The following ZFHX3 variants were observed in gnomAD, a reference collection of about 807,000 sequenced individuals.
ZFHX3 encodes the protein zinc finger homeobox 3.
In ZFHX3, 42 loss-of-function variants were observed where a neutral mutation model predicts 279.1. The ratio of observed to expected loss-of-function variants is 0.15; its 90% CI spans 0.12 to 0.19. ZFHX3 has a LOEUF of 0.19. ZFHX3 is among the 10% of genes least tolerant of loss of function. The pLI is 1.00. For synonymous variants in ZFHX3, 2,293 were observed against 1,957.8 expected (o/e 1.17, Z -4.52); for missense variants, 4,981 against 4,754.0 (o/e 1.05, Z -1.40).
At chr16:73,065,490 A>C (rs544019211) in intron 8 of ZFHX3, among the ~76,000 whole-genome samples, 1 of 151,878 alleles carries the variant, frequency 6.6e-6, no homozygotes, top group Admixed American at 6.6e-5. Flanking sequence ...ACCTAGCGCC[A>C]TAATTTTGTG....
intron 1 of ZFHX3, among the ~76,000 whole-genome samples, chr16:73,718,756 C>T (rs1465735589): frequency 6.6e-6 from 1 of 151,880 alleles, no homozygotes; most frequent in Non-Finnish European, 1.5e-5. Flanking sequence ...GCTGGGACTA[C>T]AGGCGCACAC....
In ZFHX3 at chr16:73,193,260, C is replaced by T. The variant is rs191421696; in HGVS notation, c.-1103-49429G>A. On this transcript the variant is annotated intron_variant, in intron 5 of 17. Coordinates refer to the ZFHX3 transcript ENST00000641206. ...TCTGCTATAACCTAGTCTTGTGACC[C>T]TCACTCAGGAAGGCACCACCTCTCT... Among the ~76,000 whole-genome samples the T allele has an allele frequency of 2.5e-3, 381 of 152,308 alleles. 4 individuals are homozygous for T. Among genetic ancestry groups the T allele is most frequent in the Middle Eastern group, 0.01 (3 of 294 alleles).
At chr16:73,153,693 A>T (rs1394291603) in intron 5 of ZFHX3, among the ~76,000 whole-genome samples, 1 of 152,004 alleles carries the variant, frequency 6.6e-6, no homozygotes, top group Non-Finnish European at 1.5e-5. Flanking sequence ...TCCTGTCGCC[A>T]GGCTGGAGTG....
chr16:73,209,212 G>A (rs1272221184), intron 5 of ZFHX3, among the ~76,000 whole-genome samples: 2 of 152,200 alleles, frequency 1.3e-5, no homozygotes, highest in Admixed American at 6.5e-5. Flanking sequence ...CCCATTGCAT[G>A]TTAATATAAG....
At position 73,082,445 on chromosome 16, in the gene ZFHX3, A is replaced by G. The variant is rs576267469; in HGVS notation, c.-533+10790T>C. ...ACCACGCCCGGCTAATTTTTTTTGT[A>G]TTTTTAGTAGAGATGGGGTTTCACC... On this transcript the variant is annotated intron_variant, in intron 8 of 17. Coordinates refer to the ZFHX3 transcript ENST00000641206. Among the ~76,000 whole-genome samples the G allele has an allele frequency of 8.6e-5, 13 of 151,466 alleles. 1 individual carries two copies. The East Asian group carries it at 2.5e-3, about 30-fold the overall frequency.
At chr16:73,600,910 C>T (rs1281209949) in intron 2 of ZFHX3, among the ~76,000 whole-genome samples, 2 of 151,886 alleles carry the variant, frequency 1.3e-5, no homozygotes, top group African/African-American at 4.8e-5. Flanking sequence ...TCCAGATCCA[C>T]AAGCTATTCT....
At chr16:73,245,773 A>C (rs1004217304) in intron 5 of ZFHX3, among the ~76,000 whole-genome samples, 3 of 152,148 alleles carry the variant, frequency 2.0e-5, no homozygotes, top group African/African-American at 7.2e-5. Context: ...AGGTGAGCAG[A>C]GAGGGTAGCT....
intron 1 of ZFHX3, among the ~76,000 whole-genome samples, chr16:73,810,673 G>C (rs1246008836): frequency 6.6e-6 from 1 of 152,004 alleles, no homozygotes; most frequent in African/African-American, 2.4e-5. Flanking sequence ...GAGATTAAAA[G>C]ACTTAGCCAA....
At chr16:73,546,500 G>C (rs1466985556) in intron 2 of ZFHX3, among the ~76,000 whole-genome samples, 1 of 151,814 alleles carries the variant, frequency 6.6e-6, no homozygotes, top group Non-Finnish European at 1.5e-5. Flanking sequence ...TTTTGGCGGG[G>C]GGCGGGGGCG....
intron 2 of ZFHX3, among the ~76,000 whole-genome samples, chr16:73,563,578 A>G (rs1009466180): frequency 6.6e-6 from 1 of 152,118 alleles, no homozygotes; most frequent in Non-Finnish European, 1.5e-5. Flanking sequence ...AATAATCTAC[A>G]GTATTAGGGA....
intron 4 of ZFHX3, among the ~76,000 whole-genome samples, chr16:72,883,657 T>G (rs555296427): frequency 7.7e-4 from 117 of 152,380 alleles, no homozygotes; most frequent in Non-Finnish European, 1.4e-3. Flanking sequence ...TACCCTTGCA[T>G]TGTAAAGCAT....
chr16:73,414,178 AGT>A (rs1203545287), intron 3 of ZFHX3, among the ~76,000 whole-genome samples: 2 of 152,290 alleles, frequency 1.3e-5, no homozygotes, highest in Admixed American at 1.3e-4. Flanking sequence ...TAGACCTTCA[AGT>A]GTAGTTACTC....
At chr16:73,379,801 C>T (rs1467644576) in intron 3 of ZFHX3, among the ~76,000 whole-genome samples, 1 of 152,164 alleles carries the variant, frequency 6.6e-6, no homozygotes, top group Non-Finnish European at 1.5e-5. Context: ...CTGCAGGGCA[C>T]TAATAATTCC....
intron 1 of ZFHX3, among the ~76,000 whole-genome samples, chr16:73,881,522 C>T (rs1489250717): frequency 7.5e-6 from 1 of 132,976 alleles, no homozygotes. Flanking sequence ...CTACTCTAAG[C>T]AGGCCCTTGG....
rs1375536440 is a variant in ZFHX3, at chr16:72,959,392, T to C, written c.754A>G (p.Lys252Glu). The C allele has an allele frequency of 1.2e-6, 2 of 1,614,260 alleles. No homozygotes were observed. Among genetic ancestry groups the C allele is most frequent in the South Asian group, 2.2e-5 (2 of 91,088 alleles). Residue 252 changes from lysine to glutamate, a missense_variant, in exon 2 of 10, where the codon AAA (lysine) becomes GAA (glutamate). Transcript: ENST00000268489. ...ACATCTTTGGATACGCAGGAGCTTT[T>C]GGCAGAACCGTCGCTGTTCAGGTAA... ...KDYLNSDGSAKSSCVSKDVPN... is the reference protein window; with the variant it reads ...KDYLNSDGSAESSCVSKDVPN...
intron 3 of ZFHX3, among the ~76,000 whole-genome samples, chr16:73,360,505 A>C (rs182322566): frequency 6.6e-6 from 1 of 152,164 alleles, no homozygotes; most frequent in Non-Finnish European, 1.5e-5. Context: ...TGCCCAGCTA[A>C]TTTTTGTATT....
intron 3 of ZFHX3, among the ~76,000 whole-genome samples, chr16:73,414,412 G>A (rs1320800734): frequency 6.6e-6 from 1 of 152,254 alleles, no homozygotes; most frequent in East Asian, 1.9e-4. Context: ...TAAACTTACA[G>A]TTTAATCAGT....
chr16:73,396,186 A>T (rs11642113), intron 3 of ZFHX3, among the ~76,000 whole-genome samples: 3 of 151,994 alleles, frequency 2.0e-5, no homozygotes, highest in Non-Finnish European at 2.9e-5. Flanking sequence ...ATCTTTCTCC[A>T]CTCCTTTCTA....
chr16:73,799,521 A>G (rs1960085062), intron 1 of ZFHX3, among the ~76,000 whole-genome samples: 1 of 152,144 alleles, frequency 6.6e-6, no homozygotes, highest in South Asian at 2.1e-4. Flanking sequence ...TGCTGCACTC[A>G]GGGAGCTGGT....
Sources: allele counts gnomAD v4.1 joint callset (sites outside exome capture counted in the v4.1 genomes callset), GRCh38; gene constraint gnomAD v4.1.1; transcripts MANE v1.5; gene names NCBI Gene and HGNC (gene_info 2026-07-23, HGNC 2026-07-21).